Variants in SKAP2 observed in about 807,000 individuals in gnomAD.
SKAP2 encodes the protein src kinase-associated phosphoprotein 2.
SKAP2 carries 28 observed loss-of-function variants against 54.9 expected under a neutral mutation model. The observed-to-expected ratio is 0.51, with a 90% confidence interval of 0.38 to 0.70. The LOEUF is 0.70. SKAP2 is among the 30% of genes least tolerant of loss of function. SKAP2 has a pLI of 0.00. For missense variants in SKAP2, 356 were observed against 424.1 expected (o/e 0.84, Z 1.41); for synonymous variants, 137 against 134.3 (o/e 1.02, Z -0.14).
Position 26,670,042 on chromosome 7 carries a change from C to G in SKAP2, c.*9+49G>C, listed in dbSNP as rs1244593243. The G allele has an allele frequency of 6.3e-6, 5 of 799,246 alleles. No homozygotes were observed. The African/African-American group carries it at 8.4e-5, about 14-fold the overall frequency. 49.5% of individuals were successfully genotyped at this position (799,246 alleles called of 1,614,324 possible). A position where few individuals can be genotyped will look rare whatever the true frequency, so the allele number is the denominator to read the frequency against. ...AGGCAAAGACTCATAACGAAGAGACCAAGAGAACATATGAGCTATTACAGA... is the reference window on the plus strand; with the variant it reads ...AGGCAAAGACTCATAACGAAGAGACGAAGAGAACATATGAGCTATTACAGA... On this transcript the variant is annotated intron_variant, in intron 12 of 12. Transcript: ENST00000345317.
chr7:26,862,459 T>C (rs535410503), intron 1 of SKAP2, among the ~76,000 whole-genome samples: 1 of 152,146 alleles, frequency 6.6e-6, no homozygotes, highest in East Asian at 1.9e-4. Context: ...AATTGTAATA[T>C]TTTTTAATAC....
intron 4 of SKAP2, among the ~76,000 whole-genome samples, chr7:26,761,333 G>T (rs1277082993): frequency 2.0e-5 from 3 of 152,112 alleles, no homozygotes; most frequent in Non-Finnish European, 4.4e-5. Flanking sequence ...AAATGAATAA[G>T]AGCTTAAAAA....
chr7:26,851,364 A>G (rs1785038110), intron 3 of SKAP2, among the ~76,000 whole-genome samples: 1 of 151,908 alleles, frequency 6.6e-6, no homozygotes, highest in East Asian at 1.9e-4. Context: ...GGATCATTTG[A>G]GCATGGAAGG....
At chr7:26,834,003 C>A (rs192342508) in intron 4 of SKAP2, among the ~76,000 whole-genome samples, 1 of 152,172 alleles carries the variant, frequency 6.6e-6, no homozygotes, top group Non-Finnish European at 1.5e-5. Flanking sequence ...TATCTCAGAC[C>A]ACAGTGCAAG....
chr7:26,807,026 A>T (rs1784042929), intron 4 of SKAP2, among the ~76,000 whole-genome samples: 1 of 152,198 alleles, frequency 6.6e-6, no homozygotes, highest in Non-Finnish European at 1.5e-5. Flanking sequence ...TACAATTAGA[A>T]GTAGGCCCTG....
At chr7:26,808,439 T>C (rs891688098) in intron 4 of SKAP2, among the ~76,000 whole-genome samples, 2 of 152,012 alleles carry the variant, frequency 1.3e-5, no homozygotes, top group South Asian at 2.1e-4. Context: ...AAAAATAGAA[T>C]AGAGGTTGTG....
intron 4 of SKAP2, among the ~76,000 whole-genome samples, chr7:26,807,134 T>G (rs1238636253): frequency 6.6e-6 from 1 of 152,196 alleles, no homozygotes; most frequent in African/African-American, 2.4e-5. Context: ...TGCGATGGAA[T>G]CTACTACCAG....
At chr7:26,773,615 T>C (rs1166678226) in intron 4 of SKAP2, among the ~76,000 whole-genome samples, 3 of 152,216 alleles carry the variant, frequency 2.0e-5, no homozygotes, top group Admixed American at 6.5e-5. Context: ...CAGAATAATA[T>C]GTATTTTCAC....
chr7:26,683,409 G>A (rs1329752701), intron 11 of SKAP2, among the ~76,000 whole-genome samples: 1 of 152,162 alleles, frequency 6.6e-6, no homozygotes, highest in East Asian at 1.9e-4. Flanking sequence ...AGAAGACTGA[G>A]AGAAATAAGT....
intron 4 of SKAP2, among the ~76,000 whole-genome samples, chr7:26,806,842 A>G (rs771301227): frequency 2.0e-5 from 3 of 152,220 alleles, no homozygotes; most frequent in Non-Finnish European, 4.4e-5. Flanking sequence ...CCACAGAAGA[A>G]AAGTTGAAAT....
intron 6 of SKAP2, among the ~76,000 whole-genome samples, chr7:26,738,515 G>A (rs1182238892): frequency 6.6e-6 from 1 of 152,074 alleles, no homozygotes; most frequent in Non-Finnish European, 1.5e-5. Flanking sequence ...CAGTAGGCTG[G>A]ATAATAAATA....
chr7:26,775,591 C>T (rs1473868911), intron 4 of SKAP2, among the ~76,000 whole-genome samples: 1 of 149,824 alleles, frequency 6.7e-6, no homozygotes, highest in Non-Finnish European at 1.5e-5. Flanking sequence ...ATCTCATCAC[C>T]TGTGTAGGTT....
chr7:26,697,335 T>C (rs1018203773), intron 9 of SKAP2, among the ~76,000 whole-genome samples: 3 of 152,150 alleles, frequency 2.0e-5, no homozygotes, highest in African/African-American at 7.2e-5. Flanking sequence ...GGAATGTATA[T>C]AGGTTAAAAA....
chr7:26,841,297 T>C (rs934044964), intron 4 of SKAP2, among the ~76,000 whole-genome samples: 1 of 151,966 alleles, frequency 6.6e-6, no homozygotes, highest in Non-Finnish European at 1.5e-5. Flanking sequence ...ACTCTGCCTG[T>C]TAGCATGCAG....
At chr7:26,803,727 T>C (rs144543297) in intron 4 of SKAP2, among the ~76,000 whole-genome samples, 1 of 152,272 alleles carries the variant, frequency 6.6e-6, no homozygotes, top group Non-Finnish European at 1.5e-5. Flanking sequence ...TAAGTGTCCA[T>C]AAACAGATGA....
chr7:26,696,206 CTA>C (rs1562578626), intron 9 of SKAP2, among the ~76,000 whole-genome samples: 1 of 152,082 alleles, frequency 6.6e-6, no homozygotes, highest in Non-Finnish European at 1.5e-5. Context: ...ATTCAATAGA[CTA>C]TTATTTTACA....
intron 9 of SKAP2, among the ~76,000 whole-genome samples, chr7:26,718,853 A>G (rs1354269458): frequency 3.3e-5 from 5 of 152,102 alleles, no homozygotes; most frequent in African/African-American, 4.8e-5. Flanking sequence ...TATTCCAGCA[A>G]GCATGTATTG....
At chr7:26,802,881 A>C (rs1035615156) in intron 4 of SKAP2, among the ~76,000 whole-genome samples, 3 of 152,006 alleles carry the variant, frequency 2.0e-5, no homozygotes, top group Non-Finnish European at 4.4e-5. Flanking sequence ...CAATAAATAA[A>C]TAAATAAATG....
At chr7:26,842,395 T>C (rs185523616) in intron 4 of SKAP2, among the ~76,000 whole-genome samples, 78 of 151,776 alleles carry the variant, frequency 5.1e-4, no homozygotes, top group Non-Finnish European at 8.9e-4. Context: ...AAGAAAACAA[T>C]AATGTAAATG....
Sources: gnomAD v4.1 joint callset for allele counts (sites outside exome capture counted in the v4.1 genomes callset) on GRCh38, gnomAD v4.1.1 for gene constraint, MANE v1.5 for transcripts, NCBI Gene and HGNC (gene_info 2026-07-23, HGNC 2026-07-21) for gene names.